The following CFAP99 variants were observed in gnomAD, a reference collection of about 807,000 sequenced individuals.
CFAP99 encodes the protein cilia- and flagella-associated protein 99.
CFAP99 carries 84 observed loss-of-function variants against 82.7 expected under a neutral mutation model. The observed-to-expected ratio is 1.02, with a 90% confidence interval of 0.85 to 1.22. CFAP99 has a LOEUF of 1.22. Among genes scored for constraint, CFAP99 ranks in the 50% most tolerant of loss-of-function variants. CFAP99 has a pLI of 0.00. For missense variants in CFAP99, 1,059 were observed against 983.5 expected (o/e 1.08, Z -1.03); for synonymous variants, 456 against 429.5 (o/e 1.06, Z -0.76).
intron 1 of CFAP99, 104 bp from the exon 2 acceptor site, chr4:2,426,355 G>C (rs901605791): frequency 1.2e-5 from 9 of 722,044 alleles, no homozygotes; most frequent in Non-Finnish European, 1.9e-5. Context: ...CGGTCTTCCT[G>C]CTGCTACAGG....
chr4:2,428,458 T>G (rs1288358456), intron 2 of CFAP99: 2 of 152,322 alleles, frequency 1.3e-5, no homozygotes, highest in Non-Finnish European at 2.9e-5. Context: ...TCTAACAGAT[T>G]CCTCGAAGTC....
chr4:2,450,092 C>T, intron 8 of CFAP99, 87 bp downstream of exon 8: 2 of 1,320,948 alleles, frequency 1.5e-6, no homozygotes, highest in Non-Finnish European at 2.1e-6. Flanking sequence ...TCGCAGTGAC[C>T]ACTTATGTAG....
intron 1 of CFAP99, among the ~76,000 whole-genome samples, chr4:2,423,240 A>C (rs986497624): frequency 2.6e-5 from 4 of 151,946 alleles, no homozygotes; most frequent in African/African-American, 9.7e-5. Flanking sequence ...CCACCTACCC[A>C]CCAGGGTTGG....
At chr4:2,452,109 C>T in intron 10 of CFAP99, 33 bp from the exon 11 acceptor site, 2 of 1,533,440 alleles carry the variant, frequency 1.3e-6, no homozygotes, top group South Asian at 1.2e-5. Context: ...ACGGGAGAAA[C>T]CCCAAGCTGT....
chr4:2,450,341 A>C, intron 8 of CFAP99: 1 of 369,170 alleles, frequency 2.7e-6, no homozygotes, highest in Non-Finnish European at 5.1e-6. Flanking sequence ...TTGCCAATAA[A>C]GAAAAAGCAA....
intron 13 of CFAP99, 105 bp downstream of exon 13, chr4:2,459,363 G>C: frequency 2.3e-6 from 3 of 1,329,698 alleles, no homozygotes; most frequent in Non-Finnish European, 3.0e-6. Flanking sequence ...GGTGGGTCTT[G>C]CACCACCTGA....
At chr4:2,443,298 G>A (rs1481655221) in intron 5 of CFAP99, 56 bp downstream of exon 5, 3 of 1,144,746 alleles carry the variant, frequency 2.6e-6, no homozygotes, top group East Asian at 2.6e-5. Context: ...CCCATTCCAG[G>A]TGCCTCCACG....
In CFAP99 at chr4:2,462,787, C is replaced by G. The variant is rs1434502224; in HGVS notation, c.2006C>G (p.Ala669Gly). 1.0e-5 allele frequency: 13 copies of G among 1,284,706 alleles called. No homozygotes were observed. The East Asian group carries it at 4.3e-4, about 42-fold the overall frequency. 79.6% of individuals were successfully genotyped at this position (1,284,706 alleles called of 1,614,324 possible). ...GGCGGTGGGGGCGTCCCTGCCCGCGCCGACGCGTTCCCCGGCCTGCAGGCG... is the reference window on the plus strand; with the variant it reads ...GGCGGTGGGGGCGTCCCTGCCCGCGGCGACGCGTTCCCCGGCCTGCAGGCG... The change falls in exon 15 of 15, where the codon GCC becomes GGC. Residue 669 changes from alanine to glycine, a missense_variant. Physicochemically the swap from Ala to Gly is moderately conservative, Grantham distance 60 (BLOSUM62 0). Transcript: ENST00000635017. This position sits in a 1 kb window ranked among gnomAD's most constrained non-coding sequence, Gnocchi z 4.1.
At chr4:2,450,207 G>A (rs1560386929) in intron 8 of CFAP99, 10 of 599,404 alleles carry the variant, frequency 1.7e-5, no homozygotes, top group East Asian at 1.4e-4. Flanking sequence ...GTGTAGACGC[G>A]CACCCACATC....
chr4:2,436,736 T>C, intron 2 of CFAP99, 138 bp from the exon 3 acceptor site: 2 of 649,934 alleles, frequency 3.1e-6, no homozygotes, highest in Non-Finnish European at 5.3e-6. Context: ...CACTGCCAGC[T>C]GCCTTGGGGG....
At chr4:2,435,157 C>T (rs184330206) in intron 2 of CFAP99, among the ~76,000 whole-genome samples, 1 of 151,878 alleles carries the variant, frequency 6.6e-6, no homozygotes, top group Non-Finnish European at 1.5e-5. Flanking sequence ...ATTAGCCAGG[C>T]GTGGGTGGCT....
rs1734639392 is a variant in CFAP99 at position 2,462,336 on chromosome 4, C to T, written c.1662-107C>T. Reference sequence around the variant, plus strand: ...CCTAAATCATTCCGGTGAACCTCTCCGGCTGCGTAGCTCCTTGCCCCCGCG... The same window carrying T: ...CCTAAATCATTCCGGTGAACCTCTCTGGCTGCGTAGCTCCTTGCCCCCGCG... On this transcript the variant is annotated intron_variant, in intron 14 of 14. Coordinates refer to ENST00000635017, the Ensembl canonical transcript of CFAP99. The surrounding 1 kb of genome is among the most constrained non-coding windows in gnomAD (Gnocchi z 4.1). 1.7e-6 allele frequency: 2 copies of T among 1,144,178 alleles called. No individual in the cohort carries two copies. Among genetic ancestry groups the T allele is most frequent in the South Asian group, 1.9e-5 (1 of 51,688 alleles). The allele number at this position is 1,144,178 out of a possible 1,614,324, so 70.9% of individuals were successfully genotyped here.
intron 2 of CFAP99, chr4:2,427,545 A>C (rs1020558481): frequency 6.6e-6 from 1 of 152,370 alleles, no homozygotes; most frequent in African/African-American, 2.4e-5. Context: ...CAAGTGTGCT[A>C]ATTCAGGCTG....
chr4:2,441,916 G>A (rs575765922), intron 4 of CFAP99, among the ~76,000 whole-genome samples: 6 of 152,298 alleles, frequency 3.9e-5, no homozygotes, highest in Non-Finnish European at 5.9e-5. Flanking sequence ...AGGAGGTGGC[G>A]CTCCTCACTC....
At chr4:2,459,968 G>A (rs1018896012) in intron 13 of CFAP99, 69 bp from the exon 14 acceptor site, 12 of 1,414,996 alleles carry the variant, frequency 8.5e-6, no homozygotes, top group Non-Finnish European at 1.2e-5. Flanking sequence ...GAACAGGGGA[G>A]GGATCCTGGT....
chr4:2,433,932 G>A (rs1290563915), intron 2 of CFAP99, among the ~76,000 whole-genome samples: 2 of 152,230 alleles, frequency 1.3e-5, no homozygotes, highest in African/African-American at 2.4e-5. Flanking sequence ...TGGCCACGGT[G>A]AGGAAGGACG....
intron 2 of CFAP99, among the ~76,000 whole-genome samples, 195 bp from the exon 3 acceptor site, chr4:2,436,679 C>T (rs1733915284): frequency 6.6e-6 from 1 of 152,250 alleles, no homozygotes; most frequent in South Asian, 2.1e-4. Context: ...CCTGACCTCA[C>T]TTGGCAAACC....
intron 11 of CFAP99, among the ~76,000 whole-genome samples, chr4:2,454,570 T>G (rs1272203682): frequency 6.7e-6 from 1 of 149,506 alleles, no homozygotes; most frequent in South Asian, 2.1e-4. Context: ...TCTTTTTTTG[T>G]TGTTTTTTTT....
chr4:2,437,765 G>C (rs758547850), intron 3 of CFAP99, among the ~76,000 whole-genome samples: 3 of 152,216 alleles, frequency 2.0e-5, no homozygotes, highest in African/African-American at 7.2e-5. Context: ...TTGAGGTGAC[G>C]ATTCAGCTGC....
Sources: allele counts gnomAD v4.1 joint callset (sites outside exome capture counted in the v4.1 genomes callset), GRCh38; gene constraint gnomAD v4.1.1; non-coding constraint Gnocchi (gnomAD v3.1); transcripts MANE v1.5; gene names NCBI Gene and HGNC (gene_info 2026-07-23, HGNC 2026-07-21).